Variants in PRKG1 observed in about 807,000 individuals in gnomAD.
The protein encoded by PRKG1 is cGMP-dependent protein kinase 1.
In PRKG1, 35 loss-of-function variants were observed where a neutral mutation model predicts 88.1. The ratio of observed to expected loss-of-function variants is 0.40; its 90% confidence interval spans 0.30 to 0.53. The LOEUF is 0.53. Ranked by LOEUF, PRKG1 falls within the 20% of genes least tolerant of loss-of-function variation. The pLI is 0.59. For synonymous variants in PRKG1, 303 were observed against 292.5 expected (o/e 1.04, Z -0.37); for missense variants, 540 against 839.8 (o/e 0.64, Z 4.41).
intron 3 of PRKG1, among the ~76,000 whole-genome samples, chr10:51,506,497 G>A (rs1841209216): frequency 6.6e-6 from 1 of 152,180 alleles, no homozygotes; most frequent in Non-Finnish European, 1.5e-5. Flanking sequence ...CAAAGGATAT[G>A]AACAGATACT....
At chr10:51,602,810 A>C (rs893268805) in intron 3 of PRKG1, among the ~76,000 whole-genome samples, 3 of 149,224 alleles carry the variant, frequency 2.0e-5, no homozygotes, top group Non-Finnish European at 3.0e-5. Flanking sequence ...TAATTTTCCA[A>C]CTGGTGACAT....
intron 3 of PRKG1, among the ~76,000 whole-genome samples, chr10:51,542,756 TAGAA>T (rs1246325672): frequency 8.5e-5 from 13 of 152,126 alleles, no homozygotes; most frequent in African/African-American, 2.9e-4. Context: ...CAGTGGGAAA[TAGAA>T]AGGAGAGAGA....
chr10:51,795,442 G>A (rs772013521), intron 3 of PRKG1, among the ~76,000 whole-genome samples: 11 of 152,092 alleles, frequency 7.2e-5, no homozygotes, highest in Admixed American at 1.3e-4. Flanking sequence ...TAACTGTGAG[G>A]CAATTTGTGC....
At chr10:51,914,054 C>A (rs915233580) in intron 5 of PRKG1, among the ~76,000 whole-genome samples, 3 of 152,064 alleles carry the variant, frequency 2.0e-5, no homozygotes, top group Non-Finnish European at 2.9e-5. Context: ...CTTACTGTAA[C>A]AAGCTAACTC....
At chr10:51,467,439 A>G (rs1223484725) in intron 2 of PRKG1, among the ~76,000 whole-genome samples, 1 of 152,040 alleles carries the variant, frequency 6.6e-6, no homozygotes, top group Non-Finnish European at 1.5e-5. Context: ...TGGTTTACTA[A>G]TAACAGATTT....
intron 1 of PRKG1, among the ~76,000 whole-genome samples, chr10:51,016,791 C>G (rs1318104394): frequency 6.7e-6 from 1 of 148,330 alleles, no homozygotes; most frequent in African/African-American, 2.5e-5. Flanking sequence ...GCCTCAGCCT[C>G]CCGAGTAGCT....
chr10:51,502,820 C>T (rs1446493856), intron 3 of PRKG1, among the ~76,000 whole-genome samples: 1 of 152,100 alleles, frequency 6.6e-6, no homozygotes, highest in African/African-American at 2.4e-5. Context: ...AGTCCTTCTC[C>T]TTCTTGAATG....
At chr10:51,607,873 A>T (rs1838808122) in intron 3 of PRKG1, among the ~76,000 whole-genome samples, 1 of 152,194 alleles carries the variant, frequency 6.6e-6, no homozygotes. Flanking sequence ...CCAAATGTAT[A>T]ATTAGTAGCT....
At chr10:52,024,600 A>G (rs1477552972) in intron 5 of PRKG1, among the ~76,000 whole-genome samples, 1 of 152,034 alleles carries the variant, frequency 6.6e-6, no homozygotes, top group Non-Finnish European at 1.5e-5. Context: ...TGTCCTTGCA[A>G]TAGTTTGCTG....
chr10:51,914,367 G>A (rs180885751), intron 5 of PRKG1, among the ~76,000 whole-genome samples: 69 of 152,114 alleles, frequency 4.5e-4, no homozygotes, highest in Non-Finnish European at 9.7e-4. Flanking sequence ...ATTTGAATCA[G>A]GGGTTATACA....
At chr10:51,920,879 T>C (rs1842449801) in intron 5 of PRKG1, among the ~76,000 whole-genome samples, 1 of 152,142 alleles carries the variant, frequency 6.6e-6, no homozygotes, top group African/African-American at 2.4e-5. Flanking sequence ...AATTCTCATA[T>C]ACTCCCTCTC....
chr10:51,356,876 G>A (rs1842377015), intron 2 of PRKG1, among the ~76,000 whole-genome samples: 1 of 151,910 alleles, frequency 6.6e-6, no homozygotes, highest in African/African-American at 2.4e-5. Context: ...GTTTATAATT[G>A]GGAATTTTTC....
intron 2 of PRKG1, among the ~76,000 whole-genome samples, chr10:51,311,849 C>G (rs1841194319): frequency 6.6e-6 from 1 of 152,004 alleles, no homozygotes; most frequent in Non-Finnish European, 1.5e-5. Context: ...GGGGAAGCAC[C>G]ACACCTGTAG....
intron 3 of PRKG1, among the ~76,000 whole-genome samples, chr10:51,740,940 AGC>A (rs1250799609): frequency 4.0e-5 from 6 of 150,724 alleles, no homozygotes; most frequent in South Asian, 2.1e-4. Context: ...AAAAAAAAAA[AGC>A]ATCAAGAGAT....
chr10:52,071,894 G>C (rs1467773238), intron 7 of PRKG1, among the ~76,000 whole-genome samples: 3 of 152,148 alleles, frequency 2.0e-5, no homozygotes, highest in Non-Finnish European at 4.4e-5. Context: ...TACAAGGCTT[G>C]GGTTTCTGTT....
chr10:51,752,206 T>C lies in PRKG1; in HGVS notation c.593-52379T>C, dbSNP rs372582070. ...ATGCAGCTCCATAATATAACCTCAT[T>C]ATGCCTTTTAGTACTTGTGTCACTT... is the stretch of plus-strand genomic sequence containing the variant. On this transcript the variant is annotated intron_variant, in intron 3 of 17. Coordinates refer to ENST00000373980, the MANE Select transcript of PRKG1 (RefSeq NM_006258.4). 4.6e-5 allele frequency among the ~76,000 whole-genome samples: 7 copies of C among 152,322 alleles called. No individual in the cohort carries two copies. In the East Asian group the frequency reaches 1.4e-3, roughly 29 times the overall value.
rs534487728 is a variant in PRKG1, at chr10:51,860,058, G to A, written c.699-47449G>A. 1.5e-4 allele frequency among the ~76,000 whole-genome samples: 23 copies of A among 152,166 alleles called. No individual in the cohort carries two copies. The South Asian group carries it at 2.7e-3, about 18-fold the overall frequency. ...CCTGTATTACTGGGATGTAAAAGTTGCGGCAGACATAGGGGAAGTACATTT... is the reference window on the plus strand; with the variant it reads ...CCTGTATTACTGGGATGTAAAAGTTACGGCAGACATAGGGGAAGTACATTT... On this transcript the variant is annotated intron_variant, in intron 4 of 17. Coordinates refer to ENST00000373980, the MANE Select transcript of PRKG1 (RefSeq NM_006258.4).
At chr10:52,148,382 A>G (rs1384850537) in intron 8 of PRKG1, among the ~76,000 whole-genome samples, 1 of 152,210 alleles carries the variant, frequency 6.6e-6, no homozygotes, top group East Asian at 1.9e-4. Context: ...TGCTGTAAGT[A>G]TTCTATAAAG....
At chr10:51,481,190 T>TC (rs1840345704) in intron 3 of PRKG1, among the ~76,000 whole-genome samples, 1 of 138,648 alleles carries the variant, frequency 7.2e-6, no homozygotes. Flanking sequence ...CCTCCTTCCC[T>TC]CCCTCTCTCC....
Sources: gnomAD v4.1 joint callset for allele counts (sites outside exome capture counted in the v4.1 genomes callset) on GRCh38, gnomAD v4.1.1 for gene constraint, MANE v1.5 for transcripts, NCBI Gene and HGNC (gene_info 2026-07-23, HGNC 2026-07-21) for gene names.